B4GALNT3: variants seen among roughly 807,000 people sequenced by gnomAD.
The protein encoded by B4GALNT3 is beta-1,4-N-acetylgalactosaminyltransferase 3.
A neutral mutation model predicts 120.2 loss-of-function variants in B4GALNT3; 86 were observed. The ratio of observed to expected loss-of-function variants is 0.72; its 90% CI spans 0.60 to 0.86. The LOEUF is 0.86. B4GALNT3 is among the 40% of genes least tolerant of loss of function. The probability of loss-of-function intolerance (pLI) is 0.00; values close to 1 mark genes in which losing one functional copy is unlikely to be tolerated. For synonymous variants in B4GALNT3, 518 were observed against 510.4 expected (o/e 1.01, Z -0.20); for missense variants, 1,167 against 1,298.9 (o/e 0.90, Z 1.56).
At chr12:557,852 G>A in intron 16 of B4GALNT3, 91 bp downstream of exon 16, 1 of 1,502,914 alleles carries the variant, frequency 6.7e-7, no homozygotes, top group South Asian at 1.2e-5. Context: ...CAGGAGTCCT[G>A]CCCAGCCTTC....
chr12:460,779 GC>G lies in B4GALNT3; in HGVS notation c.169+235del. 6.6e-6 allele frequency among the ~76,000 whole-genome samples: 1 copy of G among 151,936 alleles called. No individual in the cohort carries two copies. Among genetic ancestry groups the G allele is most frequent in the East Asian group, 2.0e-4 (1 of 5,076 alleles). ...TGCCCGCCGGCCACGTGGGTCCGGG[GC>G]ACCCTGGGGGCTCCTCGCGTCTCCC... On this transcript the variant is annotated intron_variant, in intron 1 of 19. Coordinates refer to ENST00000266383, the MANE Select transcript of B4GALNT3 (RefSeq NM_173593.4). The surrounding 1 kb of genome is among the most constrained non-coding windows in gnomAD (Gnocchi z 8.0).
intron 1 of B4GALNT3, among the ~76,000 whole-genome samples, chr12:476,033 T>C (rs1250232779): frequency 6.6e-6 from 1 of 152,238 alleles, no homozygotes; most frequent in Non-Finnish European, 1.5e-5. Flanking sequence ...TCTTTGGTCC[T>C]CCATTTCTTC....
intron 1 of B4GALNT3, among the ~76,000 whole-genome samples, chr12:502,129 C>G (rs2120541305): frequency 6.6e-6 from 1 of 152,328 alleles, no homozygotes; most frequent in African/African-American, 2.4e-5. Flanking sequence ...ACCAGACACA[C>G]AGAATGAGGA....
intron 1 of B4GALNT3, among the ~76,000 whole-genome samples, chr12:515,981 C>G (rs1946650458): frequency 6.6e-6 from 1 of 151,690 alleles, no homozygotes; most frequent in South Asian, 2.1e-4. Context: ...ACTAAAAACA[C>G]ACACACACAC....
At chr12:502,838 T>C (rs997120050) in intron 1 of B4GALNT3, among the ~76,000 whole-genome samples, 2 of 152,324 alleles carry the variant, frequency 1.3e-5, no homozygotes, top group African/African-American at 4.8e-5. Context: ...CACTGCAGCC[T>C]TAATTCCTGG....
rs1947113650 is a variant in B4GALNT3, at chr12:553,872, C to T, written c.1949C>T (p.Thr650Ile). 1 of 1,614,214 alleles carries T rather than the reference C, an allele frequency of 6.2e-7. No homozygotes were observed. Among genetic ancestry groups the T allele is most frequent in the East Asian group, 2.2e-5 (1 of 44,878 alleles). ...AATCTCGACTTCCAAGCCCTGAGGACTGACTGGATCGATCTGAGCTGTAAC... is the reference window on the plus strand; with the variant it reads ...AATCTCGACTTCCAAGCCCTGAGGATTGACTGGATCGATCTGAGCTGTAAC... ...ARNLDFQALR[T>I]DWIDLSCNTS... The change falls in exon 14 of 20, where the codon ACT (threonine) becomes ATT (isoleucine). Residue 650 changes from threonine (T) to isoleucine (I), a missense_variant. Physicochemically the swap from Thr to Ile is moderately conservative, Grantham distance 89 (BLOSUM62 -1). Transcript: ENST00000266383.
chr12:530,676 G>A (rs950686477), intron 1 of B4GALNT3, among the ~76,000 whole-genome samples: 14 of 152,168 alleles, frequency 9.2e-5, no homozygotes, highest in African/African-American at 3.4e-4. Context: ...CTCTAAAATG[G>A]AGAAGACAAC....
rs956603208 is a variant in B4GALNT3 at position 555,484 on chromosome 12, C to T, written c.2061-1063C>T. 2.2e-5 allele frequency: 9 copies of T among 409,492 alleles called. No homozygotes were observed. The Admixed American group carries it at 2.4e-4, about 11-fold the overall frequency. 25.4% of individuals were successfully genotyped at this position (409,492 alleles called of 1,614,324 possible). A position where few individuals can be genotyped will look rare whatever the true frequency, so the allele number is the denominator to read the frequency against. ...GATATACCACATTTTTCCATTCATC[C>T]GTTGAAGGACATGTGGGTTGTTTCT... On this transcript the variant is annotated intron_variant, in intron 14 of 19. Coordinates refer to ENST00000266383, the MANE Select transcript of B4GALNT3 (RefSeq NM_173593.4).
At chr12:515,665 G>A (rs1158822656) in intron 1 of B4GALNT3, among the ~76,000 whole-genome samples, 1 of 152,074 alleles carries the variant, frequency 6.6e-6, no homozygotes, top group Non-Finnish European at 1.5e-5. Context: ...CCCCGTTTGG[G>A]AAATACTACT....
At chr12:545,673 TGTG>T (rs1217669757) in intron 6 of B4GALNT3, among the ~76,000 whole-genome samples, 2 of 80,274 alleles carry the variant, frequency 2.5e-5, no homozygotes, top group African/African-American at 9.4e-5. Flanking sequence ...AGGAGCGAGG[TGTG>T]GGGAGGAGCG....
intron 1 of B4GALNT3, among the ~76,000 whole-genome samples, chr12:490,856 A>G (rs755381875): frequency 1.3e-5 from 2 of 152,238 alleles, no homozygotes; most frequent in Admixed American, 6.5e-5. Context: ...CTGAATAGTC[A>G]TATCTACTAA....
intron 1 of B4GALNT3, among the ~76,000 whole-genome samples, chr12:487,446 C>A (rs11063222): frequency 6.6e-6 from 1 of 152,128 alleles, no homozygotes; most frequent in Admixed American, 6.5e-5. Flanking sequence ...TGTGTGGTAG[C>A]TTACACCTGT....
chr12:550,987 C>G lies in B4GALNT3; in HGVS notation c.1063C>G (p.Leu355Val). The G allele has an allele frequency of 6.2e-7, 1 of 1,614,158 alleles. No homozygotes were observed. The highest frequency in any genetic ancestry group is 1.1e-5 in the South Asian group (1 of 91,090). The change falls in exon 11 of 20, where the codon CTG becomes GTG. Residue 355 changes from leucine to valine, a missense_variant. Physicochemically the swap from Leu to Val is conservative, Grantham distance 32 (BLOSUM62 1). Transcript: ENST00000266383. The surrounding 1 kb of genome is among the most constrained non-coding windows in gnomAD (Gnocchi z 4.1). ...LPDCPYKPSY[L>V]VDGLPLQRYQ... ...TGACTGTCCCTACAAACCCAGCTAT[C>G]TGGTGGATGGGCTTCCTCTGCAGCG... is the stretch of plus-strand genomic sequence containing the variant.
At chr12:555,981 C>T (rs1330271299) in intron 14 of B4GALNT3, among the ~76,000 whole-genome samples, 1 of 151,520 alleles carries the variant, frequency 6.6e-6, no homozygotes, top group Non-Finnish European at 1.5e-5. Context: ...GACAGGGTTT[C>T]ACCATATTAG....
intron 1 of B4GALNT3, among the ~76,000 whole-genome samples, chr12:474,089 A>G (rs1394984109): frequency 6.6e-6 from 1 of 152,198 alleles, no homozygotes; most frequent in Non-Finnish European, 1.5e-5. Context: ...GGTTTTCAGG[A>G]TAAGCGTCTC....
At chr12:554,609 T>A (rs1398767596) in intron 14 of B4GALNT3, among the ~76,000 whole-genome samples, 2 of 149,872 alleles carry the variant, frequency 1.3e-5, no homozygotes, top group African/African-American at 2.5e-5. Flanking sequence ...GCTAACACGG[T>A]GAAACCCCGT....
chr12:468,702 A>G (rs998945619), intron 1 of B4GALNT3, among the ~76,000 whole-genome samples: 6 of 152,266 alleles, frequency 3.9e-5, no homozygotes, highest in African/African-American at 1.2e-4. Flanking sequence ...TTTTGGATGC[A>G]TAAAGTCACA....
chr12:562,756 C>CTGT lies in B4GALNT3; in HGVS notation c.*1308_*1310dup, dbSNP rs1947245038. The CTGT allele has an allele frequency of 6.6e-6, 1 of 152,430 alleles. No individual in the cohort carries two copies. The highest frequency in any genetic ancestry group is 1.5e-5 in the Non-Finnish European group (1 of 68,238). 9.4% of individuals were successfully genotyped at this position (152,430 alleles called of 1,614,324 possible). A position where few individuals can be genotyped will look rare whatever the true frequency, so the allele number is the denominator to read the frequency against. ...GGTGCTTTTGTGGCTGGGGGTTTTT[C>CTGT]TGTTGCTGCTGCTGCCTCCACCACT... is the stretch of plus-strand genomic sequence containing the variant. On this transcript the variant is annotated 3_prime_UTR_variant, in exon 20 of 20. Coordinates refer to ENST00000266383, the MANE Select transcript of B4GALNT3 (RefSeq NM_173593.4). The surrounding 1 kb of genome is among the most constrained non-coding windows in gnomAD (Gnocchi z 5.2).
intron 1 of B4GALNT3, among the ~76,000 whole-genome samples, chr12:513,940 T>C (rs1946623951): frequency 6.6e-6 from 1 of 152,244 alleles, no homozygotes; most frequent in Non-Finnish European, 1.5e-5. Flanking sequence ...GACCACATTT[T>C]GCTTCTCCAT....
Sources: gnomAD v4.1 joint callset for allele counts (sites outside exome capture counted in the v4.1 genomes callset) on GRCh38, gnomAD v4.1.1 for gene constraint, Gnocchi (gnomAD v3.1) non-coding constraint, MANE v1.5 for transcripts, NCBI Gene and HGNC (gene_info 2026-07-23, HGNC 2026-07-21) for gene names.